The following CAPN13 variants were observed in gnomAD, a reference collection of about 807,000 sequenced individuals.
CAPN13 encodes calpain-13.
In CAPN13, 90 loss-of-function variants were observed where a neutral mutation model predicts 98.4. The ratio of observed to expected loss-of-function variants is 0.92; its 90% CI spans 0.77 to 1.09. CAPN13 has a LOEUF of 1.09. CAPN13 is among the 50% of genes least tolerant of loss of function. CAPN13 has a pLI of 0.00. For missense variants in CAPN13, 887 were observed against 841.3 expected (o/e 1.05, Z -0.67); for synonymous variants, 330 against 305.5 (o/e 1.08, Z -0.84).
intron 18 of CAPN13, 136 bp from the exon 19 acceptor site, chr2:30,734,660 T>A: frequency 1.4e-6 from 1 of 698,688 alleles, no homozygotes; most frequent in Non-Finnish European, 2.6e-6. Flanking sequence ...GAGGACACAG[T>A]GGCCACACCT....
chr2:30,806,470 C>A (rs147764755), intron 1 of CAPN13, among the ~76,000 whole-genome samples: 8 of 152,264 alleles, frequency 5.3e-5, no homozygotes, highest in Admixed American at 2.6e-4. Flanking sequence ...AAAGGTGAGA[C>A]AATTCAAGAG....
intron 1 of CAPN13, among the ~76,000 whole-genome samples, chr2:30,789,778 G>GTTA (rs1443736148): frequency 2.6e-5 from 4 of 152,234 alleles, no homozygotes; most frequent in Non-Finnish European, 5.9e-5. Flanking sequence ...GATGATCATT[G>GTTA]TTATTTTGAG....
At chr2:30,730,976 C>T (rs577001444) in intron 21 of CAPN13, among the ~76,000 whole-genome samples, 190 bp from the exon 22 acceptor site, 4 of 152,144 alleles carry the variant, frequency 2.6e-5, no homozygotes, top group African/African-American at 9.7e-5. Flanking sequence ...CCCTGAATAA[C>T]CAGGCAGTGA....
In CAPN13 at chr2:30,764,213, G is replaced by A; in HGVS notation, c.618C>T (p.His206=). 1.2e-6 allele frequency: 2 copies of A among 1,612,158 alleles called. No individual in the cohort carries two copies. Among genetic ancestry groups the A allele is most frequent in the African/African-American group, 1.3e-5 (1 of 75,024 alleles). ...CCTTCACCAGGTCCACAGGGGAAGA[G>A]TGCAGATGGATGTTGGTGATCACGC... The part of the protein sequence containing the change: ...TGGVITNIHL[H]SSPVDLVKAV... The change falls in exon 6 of 23, where the codon CAC becomes CAT. Residue 206 remains histidine (H), a synonymous_variant. Transcript: ENST00000295055.
intron 2 of CAPN13, among the ~76,000 whole-genome samples, chr2:30,782,162 G>A (rs1186757671): frequency 6.6e-6 from 1 of 152,166 alleles, no homozygotes; most frequent in Non-Finnish European, 1.5e-5. Context: ...GTCTCCAGAG[G>A]TAGACGGAGA....
chr2:30,795,509 A>G (rs1161998345), intron 1 of CAPN13, among the ~76,000 whole-genome samples: 1 of 152,082 alleles, frequency 6.6e-6, no homozygotes, highest in African/African-American at 2.4e-5. Flanking sequence ...GATTACTGGT[A>G]AAATTGAGCA....
At chr2:30,758,344 C>T (rs913762217) in intron 7 of CAPN13, among the ~76,000 whole-genome samples, 17 of 152,232 alleles carry the variant, frequency 1.1e-4, no homozygotes, top group African/African-American at 4.1e-4. Flanking sequence ...AAGGAAATGG[C>T]CCCTCATTCC....
chr2:30,731,282 G>T, intron 21 of CAPN13, 62 bp downstream of exon 21: 2 of 1,452,862 alleles, frequency 1.4e-6, no homozygotes, highest in East Asian at 2.4e-5. Context: ...ATGCCCTCTG[G>T]AATCAAGTCA....
chr2:30,755,444 T>C (rs531922402), intron 8 of CAPN13, among the ~76,000 whole-genome samples: 58 of 152,290 alleles, frequency 3.8e-4, no homozygotes, highest in African/African-American at 1.3e-3. Context: ...GCAAAAGTAA[T>C]TGCATGCCTA....
At chr2:30,775,896 C>A in intron 4 of CAPN13, 34 bp downstream of exon 4, 1 of 1,498,270 alleles carries the variant, frequency 6.7e-7, no homozygotes, top group South Asian at 1.2e-5. Context: ...CAGAGAACCC[C>A]ATCATATAAT....
intron 1 of CAPN13, among the ~76,000 whole-genome samples, chr2:30,806,845 G>C (rs187852714): frequency 6.6e-6 from 1 of 152,266 alleles, no homozygotes; most frequent in East Asian, 1.9e-4. Context: ...TAGATGATTA[G>C]AAAACAAAGG....
chr2:30,754,241 C>T (rs1305821083), intron 9 of CAPN13, 49 bp downstream of exon 9: 6 of 1,445,764 alleles, frequency 4.2e-6, no homozygotes, highest in South Asian at 4.0e-5. Flanking sequence ...GGATTGAAGA[C>T]TTGGGCAATA....
intron 8 of CAPN13, among the ~76,000 whole-genome samples, chr2:30,754,685 G>A (rs891875869): frequency 1.4e-4 from 21 of 151,998 alleles, no homozygotes; most frequent in Non-Finnish European, 1.6e-4. Context: ...TTGCCTGAGC[G>A]AGAACATGAG....
At position 30,751,208 on chromosome 2, in the gene CAPN13, C is replaced by T. The variant is rs755627330; in HGVS notation, c.1131G>A (p.Glu377=). The change falls in exon 11 of 23, where the codon GAG becomes GAA. Residue 377 remains glutamate, a synonymous_variant. Transcript: ENST00000295055. ...CGACAACATTGGTGCCTTCCATTGG[C>T]TCTTGCACAGAGAAGTTGAATTGAG... The part of the protein sequence containing the change: ...NDAQFNFSVQ[E]PMEGTNVVVC... 3 of 1,613,998 alleles carry T rather than the reference C, an allele frequency of 1.9e-6. No homozygotes were observed. The highest frequency in any genetic ancestry group is 2.5e-6 in the Non-Finnish European group (3 of 1,179,878).
At chr2:30,765,614 G>A (rs999297242) in intron 5 of CAPN13, among the ~76,000 whole-genome samples, 1 of 152,164 alleles carries the variant, frequency 6.6e-6, no homozygotes, top group South Asian at 2.1e-4. Flanking sequence ...GGGTGGACTG[G>A]ATCAGTCCTC....
Position 30,726,507 on chromosome 2 carries a change from GAACT to G in CAPN13, c.*31-3275_*31-3272del, listed in dbSNP as rs372911052. Among the ~76,000 whole-genome samples the G allele has an allele frequency of 5.5e-3, 839 of 152,116 alleles. 11 individuals are homozygous for G. The highest frequency in any genetic ancestry group is 0.029 in the South Asian group (138 of 4,810). ...CTAAGGAAGCCCTTTAAAAATATTG[GAACT>G]AATAAACAAGTTTAGCAAGGTTGCA... is the stretch of plus-strand genomic sequence containing the variant. On this transcript the variant is annotated intron_variant, in intron 22 of 22. Coordinates refer to ENST00000295055, the MANE Select transcript of CAPN13 (RefSeq NM_144575.3).
At chr2:30,769,074 C>T (rs1048187727) in intron 5 of CAPN13, among the ~76,000 whole-genome samples, 2 of 152,120 alleles carry the variant, frequency 1.3e-5, no homozygotes, top group African/African-American at 2.4e-5. Context: ...TAAGGACTGT[C>T]CCAGTCACAG....
intron 22 of CAPN13, among the ~76,000 whole-genome samples, chr2:30,727,050 T>C (rs190436850): frequency 1.1e-4 from 16 of 152,296 alleles, no homozygotes; most frequent in African/African-American, 3.1e-4. Flanking sequence ...TTATATTAAA[T>C]TGATTTTTGA....
intron 8 of CAPN13, among the ~76,000 whole-genome samples, chr2:30,757,783 G>A (rs17010194): frequency 0.084 from 12,728 of 152,238 alleles, 825 homozygotes; most frequent in East Asian, 0.24. Context: ...GGTGGGCACT[G>A]GGTCTTGTCA....
Sources: gnomAD v4.1 joint callset for allele counts (sites outside exome capture counted in the v4.1 genomes callset) on GRCh38, gnomAD v4.1.1 for gene constraint, MANE v1.5 for transcripts, NCBI Gene and HGNC (gene_info 2026-07-23, HGNC 2026-07-21) for gene names.